SLC24A2: variants seen among roughly 807,000 people sequenced by gnomAD.
SLC24A2 encodes the protein solute carrier family 24 member 2.
SLC24A2 carries 36 observed loss-of-function variants against 62.0 expected under a neutral mutation model. The ratio of observed to expected loss-of-function variants is 0.58; its 90% confidence interval spans 0.44 to 0.77. SLC24A2 has a LOEUF of 0.77. Among genes scored for constraint, SLC24A2 ranks in the 30% least tolerant of loss-of-function variants. SLC24A2 has a pLI of 0.00. For synonymous variants in SLC24A2, 358 were observed against 294.0 expected (o/e 1.22, Z -2.23); for missense variants, 846 against 817.9 (o/e 1.03, Z -0.42).
At position 19,786,806 on chromosome 9, in the gene SLC24A2, G is replaced by T. The variant is rs1275167189; in HGVS notation, c.61C>A (p.Leu21Met). 5 of 1,611,326 alleles carry T rather than the reference G, an allele frequency of 3.1e-6. No individual in the cohort carries two copies. The highest frequency in any genetic ancestry group is 1.3e-5 in the African/African-American group (1 of 74,778). The part of the protein sequence containing the change: ...SLEKWCLDES[L>M]SGCRRHYSVK... ...CTATAATGTCTTCTGCAGCCAGACA[G>T]TGACTCATCCAAACACCATTTCTCT... is the stretch of plus-strand genomic sequence containing the variant. Residue 21 changes from leucine (L) to methionine (M), a missense_variant, in exon 2 of 11, where the codon CTG becomes ATG. By Grantham distance (15) the Leu-to-Met change is conservative (BLOSUM62 2). Coordinates refer to ENST00000341998, the MANE Select transcript of SLC24A2 (RefSeq NM_020344.4). The surrounding 1 kb of genome is among the most constrained non-coding windows in gnomAD (Gnocchi z 5.0).
the SLC24A2 span, among the ~76,000 whole-genome samples, chr9:19,887,835 G>A: frequency 6.6e-6 from 1 of 152,176 alleles, no homozygotes; most frequent in African/African-American, 2.4e-5. Context: ...CCATAAAAGG[G>A]AATGAATTAA....
chr9:20,227,231 G>T, the SLC24A2 span, among the ~76,000 whole-genome samples: 1 of 152,026 alleles, frequency 6.6e-6, no homozygotes, highest in Admixed American at 6.6e-5. Flanking sequence ...TCTGCTGCTG[G>T]AGTCAATGAA....
At chr9:20,108,391 A>C in the SLC24A2 span, among the ~76,000 whole-genome samples, 4 of 152,154 alleles carry the variant, frequency 2.6e-5, no homozygotes, top group East Asian at 7.7e-4. Flanking sequence ...ATAAAGACAC[A>C]TGCACACGTA....
chr9:19,518,425 CTTT>C (rs59805848), intron 10 of SLC24A2, among the ~76,000 whole-genome samples: 2 of 141,250 alleles, frequency 1.4e-5, no homozygotes, highest in Non-Finnish European at 1.6e-5. Flanking sequence ...CTTTTCTTTT[CTTT>C]TTTTTTTTTT....
the SLC24A2 span, among the ~76,000 whole-genome samples, chr9:19,794,553 C>G: frequency 6.6e-6 from 1 of 151,184 alleles, no homozygotes; most frequent in Non-Finnish European, 1.5e-5. Context: ...TGTAACAAAC[C>G]TGCCTGTTTA....
intron 7 of SLC24A2, among the ~76,000 whole-genome samples, chr9:19,556,113 T>C (rs1185647480): frequency 6.6e-6 from 1 of 152,232 alleles, no homozygotes; most frequent in East Asian, 1.9e-4. Flanking sequence ...TCACTCAGCA[T>C]CTACTGGAAG....
At chr9:20,028,513 C>G in the SLC24A2 span, among the ~76,000 whole-genome samples, 5 of 152,162 alleles carry the variant, frequency 3.3e-5, no homozygotes, top group African/African-American at 9.7e-5. Context: ...TCAGTCCTGC[C>G]TGCTCTCACC....
At chr9:19,595,885 C>G (rs1036799537) in intron 5 of SLC24A2, among the ~76,000 whole-genome samples, 1 of 152,114 alleles carries the variant, frequency 6.6e-6, no homozygotes. Context: ...GGGACAGGAG[C>G]CTTCCTTAAA....
intron 7 of SLC24A2, among the ~76,000 whole-genome samples, chr9:19,567,029 G>T (rs553786939): frequency 2.0e-5 from 3 of 151,634 alleles, no homozygotes; most frequent in Non-Finnish European, 2.9e-5. Flanking sequence ...TAATGGCTGC[G>T]GCACACCAAC....
At chr9:20,301,946 C>T in the SLC24A2 span, among the ~76,000 whole-genome samples, 1 of 152,194 alleles carries the variant, frequency 6.6e-6, no homozygotes, top group Non-Finnish European at 1.5e-5. Context: ...GGTCTTTTTA[C>T]TGTCTTCACA....
At chr9:19,523,650 A>G (rs967577542) in intron 9 of SLC24A2, among the ~76,000 whole-genome samples, 1 of 152,006 alleles carries the variant, frequency 6.6e-6, no homozygotes, top group Non-Finnish European at 1.5e-5. Flanking sequence ...TTTAGTAGAG[A>G]TGGGGTTTCA....
At chr9:19,857,154 C>T in the SLC24A2 span, among the ~76,000 whole-genome samples, 46 of 152,232 alleles carry the variant, frequency 3.0e-4, no homozygotes, top group South Asian at 8.3e-3. Flanking sequence ...TCTATTTCTC[C>T]GCCTAGAAGA....
chr9:19,573,439 G>A lies in SLC24A2; in HGVS notation c.1259C>T (p.Thr420Ile). Residue 420 changes from threonine to isoleucine, a missense_variant, in exon 7 of 11, where the codon ACA becomes ATA. Thr to Ile is a moderately conservative substitution (Grantham distance 89). Transcript: ENST00000341998. ...ACTGGATGGTGTCATTTCAACATCT[G>A]TGCTGGTGCTGTTTGGAAGCTCAAT... ...EKIELPNSTS[T>I]DVEMTPSSDA... The A allele has an allele frequency of 1.2e-6, 2 of 1,612,510 alleles. No homozygotes were observed. Among genetic ancestry groups the A allele is most frequent in the Non-Finnish European group, 1.7e-6 (2 of 1,179,236 alleles).
At chr9:19,567,370 C>T (rs1483620769) in intron 7 of SLC24A2, among the ~76,000 whole-genome samples, 4 of 151,280 alleles carry the variant, frequency 2.6e-5, no homozygotes, top group Non-Finnish European at 4.4e-5. Flanking sequence ...CACAATGAAA[C>T]CCTGTCTCTA....
At chr9:20,207,428 C>G in the SLC24A2 span, among the ~76,000 whole-genome samples, 9 of 151,148 alleles carry the variant, frequency 6.0e-5, no homozygotes, top group African/African-American at 2.2e-4. Context: ...AGTTCATTCA[C>G]TCACACACTC....
the SLC24A2 span, among the ~76,000 whole-genome samples, chr9:19,901,579 C>G: frequency 6.6e-6 from 1 of 152,132 alleles, no homozygotes; most frequent in Admixed American, 6.5e-5. Flanking sequence ...TATAAATATT[C>G]ATGAAAGTGG....
chr9:20,262,647 T>C, the SLC24A2 span, among the ~76,000 whole-genome samples: 2 of 152,198 alleles, frequency 1.3e-5, no homozygotes, highest in Admixed American at 1.3e-4. Flanking sequence ...ATCATGAGCA[T>C]TATCTCATTT....
Position 19,785,980 on chromosome 9 carries a change from C to A in SLC24A2, c.887G>T (p.Arg296Leu), listed in dbSNP as rs771755386. The change falls in exon 2 of 11, where the codon CGC (arginine) becomes CTC (leucine). Residue 296 changes from arginine to leucine, a missense_variant. By Grantham distance (102) the Arg-to-Leu change is moderately radical. Coordinates refer to ENST00000341998, the MANE Select transcript of SLC24A2 (RefSeq NM_020344.4). ...VEKWVKQMIN[R>L]NKVVKVTAPE... ...TGCTGTCACCTTGACGACCTTATTG[C>A]GGTTTATCATTTGCTTCACCCATTT... The A allele has an allele frequency of 6.2e-6, 10 of 1,614,044 alleles. No individual in the cohort carries two copies. The highest frequency in any genetic ancestry group is 6.8e-6 in the Non-Finnish European group (8 of 1,180,014).
At chr9:19,634,620 T>C (rs1339691811) in intron 2 of SLC24A2, among the ~76,000 whole-genome samples, 2 of 152,300 alleles carry the variant, frequency 1.3e-5, no homozygotes, top group East Asian at 1.9e-4. Context: ...TTTACTTGCC[T>C]GCTCTAAGGC....
Sources: allele counts gnomAD v4.1 joint callset (sites outside exome capture counted in the v4.1 genomes callset), GRCh38; gene constraint gnomAD v4.1.1; non-coding constraint Gnocchi (gnomAD v3.1); transcripts MANE v1.5; gene names NCBI Gene and HGNC (gene_info 2026-07-23, HGNC 2026-07-21).